BMPR1B: variants seen among roughly 807,000 people sequenced by gnomAD.
BMPR1B encodes the protein bone morphogenetic protein receptor type 1B.
BMPR1B carries 12 observed loss-of-function variants against 59.1 expected under a neutral mutation model. The observed-to-expected ratio is 0.20, with a 90% CI of 0.13 to 0.33. The LOEUF (loss-of-function observed/expected upper bound fraction) is 0.33, where lower values mean the gene tolerates loss of function less well. Among genes scored for constraint, BMPR1B ranks in the 10% least tolerant of loss-of-function variants. BMPR1B has a pLI of 1.00. For missense variants in BMPR1B, 550 were observed against 610.9 expected (o/e 0.90, Z 1.05); for synonymous variants, 237 against 207.3 (o/e 1.14, Z -1.23).
chr4:95,018,930 C>T (rs997922451), intron 3 of BMPR1B, among the ~76,000 whole-genome samples: 2 of 152,082 alleles, frequency 1.3e-5, no homozygotes, highest in East Asian at 1.9e-4. Context: ...GGGCAGGTGG[C>T]GCCAATCTAT....
chr4:94,840,379 C>T (rs1004724943), intron 1 of BMPR1B, among the ~76,000 whole-genome samples: 9 of 148,344 alleles, frequency 6.1e-5, no homozygotes, highest in East Asian at 1.9e-4. Context: ...TTCCATTCTC[C>T]GCGTCACTTT....
At chr4:94,770,211 G>A (rs770052025) in intron 1 of BMPR1B, among the ~76,000 whole-genome samples, 7 of 81,134 alleles carry the variant, frequency 8.6e-5, no homozygotes, top group South Asian at 8.1e-4. Flanking sequence ...TTTTGCGAAA[G>A]CAAGGTTATA....
intron 1 of BMPR1B, among the ~76,000 whole-genome samples, chr4:94,774,910 A>G (rs1157814260): frequency 2.0e-5 from 3 of 152,132 alleles, no homozygotes. Flanking sequence ...ATTTTTTCAT[A>G]ATGGCGGAAA....
intron 1 of BMPR1B, among the ~76,000 whole-genome samples, chr4:94,783,124 T>G (rs1560482437): frequency 6.6e-6 from 1 of 152,188 alleles, no homozygotes; most frequent in Admixed American, 6.5e-5. Context: ...TTTGTCAAGC[T>G]GCTCACCTCT....
intron 2 of BMPR1B, among the ~76,000 whole-genome samples, chr4:94,962,198 C>T (rs1410517358): frequency 2.0e-5 from 3 of 147,432 alleles, no homozygotes; most frequent in Admixed American, 6.9e-5. Context: ...AGTGCGGTAG[C>T]GTAATCTTGG....
chr4:94,870,637 TTGAG>T (rs2148967221), intron 1 of BMPR1B, among the ~76,000 whole-genome samples: 1 of 152,320 alleles, frequency 6.6e-6, no homozygotes, highest in Non-Finnish European at 1.5e-5. Context: ...TTGACTTTTC[TTGAG>T]TATGTTAGAC....
At chr4:94,926,610 C>G (rs1419699714) in intron 2 of BMPR1B, among the ~76,000 whole-genome samples, 1 of 152,074 alleles carries the variant, frequency 6.6e-6, no homozygotes, top group Non-Finnish European at 1.5e-5. Flanking sequence ...GTCAGCAGTG[C>G]ATGCTGAGTT....
At chr4:95,061,233 A>T (rs1727368774) in intron 3 of BMPR1B, among the ~76,000 whole-genome samples, 1 of 151,554 alleles carries the variant, frequency 6.6e-6, no homozygotes, top group South Asian at 2.1e-4. Flanking sequence ...CATTGAATAT[A>T]CATAGGCAAT....
intron 3 of BMPR1B, among the ~76,000 whole-genome samples, chr4:95,004,544 A>T (rs952891078): frequency 6.6e-6 from 1 of 152,178 alleles, no homozygotes; most frequent in African/African-American, 2.4e-5. Flanking sequence ...AAAGGTGATT[A>T]TTACTGCACA....
chr4:94,782,780 T>C (rs1163161923), intron 1 of BMPR1B, among the ~76,000 whole-genome samples: 1 of 152,212 alleles, frequency 6.6e-6, no homozygotes, highest in Non-Finnish European at 1.5e-5. Flanking sequence ...GTTTGTCAGA[T>C]CTAACATCTG....
chr4:94,811,042 T>A (rs1723793358), intron 1 of BMPR1B, among the ~76,000 whole-genome samples: 1 of 152,198 alleles, frequency 6.6e-6, no homozygotes, highest in Non-Finnish European at 1.5e-5. Flanking sequence ...AATGATGAAT[T>A]AGTGTTCTCA....
chr4:94,927,656 A>G (rs1578811621), intron 2 of BMPR1B, among the ~76,000 whole-genome samples: 1 of 152,132 alleles, frequency 6.6e-6, no homozygotes, highest in African/African-American at 2.4e-5. Flanking sequence ...TTGTGCATGA[A>G]GGAAACTGCC....
At chr4:95,152,813 A>G (rs181792043) in intron 12 of BMPR1B, 40 bp downstream of exon 12, 58 of 1,604,316 alleles carry the variant, frequency 3.6e-5, no homozygotes, top group Non-Finnish European at 3.4e-6. Context: ...ACAGACTTCT[A>G]AATAGACTTT....
intron 7 of BMPR1B, among the ~76,000 whole-genome samples, chr4:95,124,358 T>A (rs1179708024): frequency 6.6e-6 from 1 of 152,102 alleles, no homozygotes; most frequent in Non-Finnish European, 1.5e-5. Context: ...TTCCTATTTT[T>A]TTAATGGCCT....
At position 95,131,470 on chromosome 4, in the gene BMPR1B, C is replaced by G. The variant is rs773503299; in HGVS notation, c.1034C>G (p.Thr345Ser). The G allele has an allele frequency of 1.1e-5, 17 of 1,614,052 alleles. No individual in the cohort carries two copies. The highest frequency in any genetic ancestry group is 1.4e-5 in the Non-Finnish European group (16 of 1,179,984). ...SKNILVKKNG[T>S]CCIADLGLAV... The stretch of plus-strand genomic sequence containing the variant: ...AACATTCTGGTGAAGAAAAATGGAA[C>G]TTGCTGTATTGCTGACCTGGGCCTG... Residue 345 changes from threonine (T) to serine (S), a missense_variant, in exon 10 of 13, where the codon ACT (threonine) becomes AGT (serine). Thr to Ser is a moderately conservative substitution (Grantham distance 58, BLOSUM62 1). Coordinates refer to ENST00000515059, the MANE Select transcript of BMPR1B (RefSeq NM_001203.3).
intron 1 of BMPR1B, among the ~76,000 whole-genome samples, chr4:94,868,136 TA>T (rs1275878990): frequency 6.6e-6 from 1 of 152,034 alleles, no homozygotes; most frequent in Non-Finnish European, 1.5e-5. Context: ...GTGCTGGGAT[TA>T]CAGGTGCGAG....
At chr4:95,025,659 A>G (rs2149143631) in intron 3 of BMPR1B, among the ~76,000 whole-genome samples, 1 of 83,660 alleles carries the variant, frequency 1.2e-5, no homozygotes, top group Middle Eastern at 5.2e-3. Flanking sequence ...ACACTTTGTT[A>G]GAAGAAGGAG....
chr4:94,969,270 C>T (rs750376755), intron 2 of BMPR1B, among the ~76,000 whole-genome samples: 5 of 152,064 alleles, frequency 3.3e-5, no homozygotes, highest in South Asian at 2.1e-4. Flanking sequence ...CTCTTGACCT[C>T]GTGATCTGCC....
Position 94,769,376 on chromosome 4 carries a change from C to T in BMPR1B, c.-183+11308C>T, listed in dbSNP as rs534466842. On this transcript the variant is annotated intron_variant, in intron 1 of 12. Transcript: ENST00000515059. ...CTGTAATCCTAGCACTTTGGGAGGC[C>T]GAGGTGGGTGGATCACTTGAGGTCA... Among the ~76,000 whole-genome samples the T allele has an allele frequency of 1.1e-4, 17 of 152,164 alleles. No homozygotes were observed. In the East Asian group the frequency reaches 1.6e-3, roughly 14 times the overall value.
Sources: gnomAD v4.1 joint callset for allele counts (sites outside exome capture counted in the v4.1 genomes callset) on GRCh38, gnomAD v4.1.1 for gene constraint, MANE v1.5 for transcripts, NCBI Gene and HGNC (gene_info 2026-07-23, HGNC 2026-07-21) for gene names.